Variants in SPATA17 observed in about 807,000 individuals in gnomAD.
SPATA17 encodes the protein spermatogenesis-associated protein 17.
SPATA17 carries 53 observed loss-of-function variants against 62.2 expected under a neutral mutation model. The ratio of observed to expected loss-of-function variants is 0.85; its 90% CI spans 0.68 to 1.07. The LOEUF is 1.07. SPATA17 is among the 50% of genes least tolerant of loss of function. SPATA17 has a pLI of 0.00. For missense variants in SPATA17, 466 were observed against 425.5 expected, an observed-to-expected ratio of 1.10 and a Z score of -0.84; for synonymous variants, 146 against 146.8, an observed-to-expected ratio of 0.99 and a Z score of 0.04.
intron 5 of SPATA17, among the ~76,000 whole-genome samples, chr1:217,713,695 C>T (rs1301533588): frequency 1.3e-5 from 2 of 152,140 alleles, no homozygotes. Context: ...TGGATGCTGG[C>T]ATTCTCTGTG....
rs12405327 is a variant in SPATA17 at position 217,870,646 on chromosome 1, A to C, written c.*3627A>C. ...GGTAATTCCTTGATCTTATTCTCCA[A>C]ACTTGATTCTGAATGACTACTGACC... On this transcript the variant is annotated 3_prime_UTR_variant, in exon 11 of 11. Transcript: ENST00000366933. 36,627 of 151,978 alleles carry C rather than the reference A, an allele frequency of 0.24. 5,432 individuals are homozygous for C. The highest frequency in any genetic ancestry group is 0.35 in the Admixed American group (5,363 of 15,242). 9.4% of individuals were successfully genotyped at this position (151,978 alleles called of 1,614,324 possible). A position where few individuals can be genotyped will look rare whatever the true frequency, so the allele number is the denominator to read the frequency against.
chr1:217,850,991 A>C (rs1325537026), intron 9 of SPATA17, among the ~76,000 whole-genome samples: 2 of 152,162 alleles, frequency 1.3e-5, no homozygotes, highest in African/African-American at 4.8e-5. Context: ...GATTTCCTGG[A>C]GGAAGTAGCA....
At chr1:217,817,621 C>T (rs932301745) in intron 9 of SPATA17, among the ~76,000 whole-genome samples, 13 of 152,148 alleles carry the variant, frequency 8.5e-5, no homozygotes, top group African/African-American at 2.9e-4. Context: ...GTAAGATCCT[C>T]GACTGAGTGG....
At chr1:217,709,728 A>G (rs933130822) in intron 5 of SPATA17, among the ~76,000 whole-genome samples, 26 of 152,204 alleles carry the variant, frequency 1.7e-4, no homozygotes, top group Non-Finnish European at 2.5e-4. Flanking sequence ...CTTGTCTTTC[A>G]CACTCAGTGA....
At chr1:217,786,643 T>A (rs1276511841) in intron 8 of SPATA17, among the ~76,000 whole-genome samples, 1 of 152,102 alleles carries the variant, frequency 6.6e-6, no homozygotes, top group Non-Finnish European at 1.5e-5. Flanking sequence ...GTGAGACAAA[T>A]GTATTTCAGA....
intron 1 of SPATA17, among the ~76,000 whole-genome samples, chr1:217,643,531 C>T (rs1670112855): frequency 1.3e-5 from 2 of 152,068 alleles, no homozygotes; most frequent in South Asian, 2.1e-4. Flanking sequence ...TGAGGATGCT[C>T]ACCTTACCCC....
At chr1:217,818,273 T>G (rs1238028461) in intron 9 of SPATA17, among the ~76,000 whole-genome samples, 1 of 152,012 alleles carries the variant, frequency 6.6e-6, no homozygotes, top group Non-Finnish European at 1.5e-5. Context: ...ACATCACAAT[T>G]TACGGGAATG....
chr1:217,728,956 C>T (rs1672333952), intron 5 of SPATA17, among the ~76,000 whole-genome samples: 1 of 152,116 alleles, frequency 6.6e-6, no homozygotes, highest in Non-Finnish European at 1.5e-5. Context: ...GAAGTTAAGC[C>T]CCAAGTTCAC....
intron 5 of SPATA17, among the ~76,000 whole-genome samples, chr1:217,733,969 A>G (rs536456185): frequency 2.0e-5 from 3 of 152,334 alleles, no homozygotes; most frequent in Non-Finnish European, 2.9e-5. Context: ...CCTGTCATAC[A>G]GATCCGGGGA....
At chr1:217,779,023 G>A (rs1236161732) in intron 7 of SPATA17, among the ~76,000 whole-genome samples, 1 of 151,724 alleles carries the variant, frequency 6.6e-6, no homozygotes, top group East Asian at 1.9e-4. Flanking sequence ...AATAATGTAT[G>A]GATGATGTAT....
intron 5 of SPATA17, among the ~76,000 whole-genome samples, chr1:217,739,770 A>T (rs1672586448): frequency 6.6e-6 from 1 of 152,170 alleles, no homozygotes; most frequent in African/African-American, 2.4e-5. Flanking sequence ...CATTTAACAA[A>T]GAATGTTTGA....
intron 6 of SPATA17, among the ~76,000 whole-genome samples, chr1:217,743,147 G>T (rs921323668): frequency 6.6e-6 from 1 of 151,956 alleles, no homozygotes; most frequent in African/African-American, 2.4e-5. Flanking sequence ...GAGGTGTTAC[G>T]TAGCTAAGTT....
At chr1:217,865,143 CT>C (rs1345760311) in intron 10 of SPATA17, among the ~76,000 whole-genome samples, 1 of 152,154 alleles carries the variant, frequency 6.6e-6, no homozygotes, top group Non-Finnish European at 1.5e-5. Context: ...CAACAAAGTG[CT>C]TCTGCTGTTT....
intron 5 of SPATA17, among the ~76,000 whole-genome samples, chr1:217,698,262 T>G (rs1671507419): frequency 1.3e-5 from 2 of 152,168 alleles, no homozygotes; most frequent in South Asian, 4.2e-4. Flanking sequence ...AGTAAAACCC[T>G]GTCTCTACTA....
intron 9 of SPATA17, among the ~76,000 whole-genome samples, chr1:217,812,157 T>C (rs1027154784): frequency 1.3e-5 from 2 of 152,190 alleles, no homozygotes; most frequent in South Asian, 4.1e-4. Context: ...TTTCATTCAC[T>C]TATATTATTT....
chr1:217,778,947 A>G (rs1241896052), intron 7 of SPATA17, among the ~76,000 whole-genome samples: 1 of 152,178 alleles, frequency 6.6e-6, no homozygotes, highest in African/African-American at 2.4e-5. Flanking sequence ...CTATGTACAC[A>G]TATACCTATA....
chr1:217,710,081 A>G (rs551486431), intron 5 of SPATA17, among the ~76,000 whole-genome samples: 1 of 152,262 alleles, frequency 6.6e-6, no homozygotes, highest in South Asian at 2.1e-4. Flanking sequence ...CTTAACTTTA[A>G]TTTATCTGCT....
At chr1:217,721,185 A>G (rs1672118470) in intron 5 of SPATA17, among the ~76,000 whole-genome samples, 2 of 152,158 alleles carry the variant, frequency 1.3e-5, no homozygotes, top group Admixed American at 1.3e-4. Context: ...GAAAAACTAG[A>G]TATCAATTTA....
At chr1:217,635,766 G>C (rs558348361) in intron 1 of SPATA17, among the ~76,000 whole-genome samples, 3 of 141,478 alleles carry the variant, frequency 2.1e-5, no homozygotes, top group Non-Finnish European at 4.7e-5. Context: ...TCTGGGTTAT[G>C]ATAACGGGAT....
Sources: gnomAD v4.1 joint callset for allele counts (sites outside exome capture counted in the v4.1 genomes callset) on GRCh38, gnomAD v4.1.1 for gene constraint, MANE v1.5 for transcripts, NCBI Gene and HGNC (gene_info 2026-07-23, HGNC 2026-07-21) for gene names.